Variants in TXLNB observed in about 807,000 individuals in gnomAD.
TXLNB encodes beta-taxilin.
A neutral mutation model predicts 57.4 loss-of-function variants in TXLNB; 37 were observed. The ratio of observed to expected loss-of-function variants is 0.64; its 90% CI spans 0.50 to 0.85. TXLNB has a LOEUF of 0.85. TXLNB is among the 40% of genes least tolerant of loss of function. The pLI, the probability that TXLNB is intolerant of heterozygous loss-of-function variation, is 0.00. For synonymous variants in TXLNB, 302 were observed against 309.6 expected (o/e 0.98, Z 0.26); for missense variants, 848 against 825.6 (o/e 1.03, Z -0.33).
the TXLNB span, among the ~76,000 whole-genome samples, chr6:139,175,312 A>G: frequency 6.6e-6 from 1 of 152,238 alleles, no homozygotes; most frequent in African/African-American, 2.4e-5. Flanking sequence ...TCTTTGCTCT[A>G]AAGTGTTCCA....
chr6:139,168,075 C>T, the TXLNB span, among the ~76,000 whole-genome samples: 3 of 152,184 alleles, frequency 2.0e-5, no homozygotes, highest in Admixed American at 1.3e-4. Context: ...CCACCTGTCT[C>T]CTTCCCACCA....
the TXLNB span, chr6:139,170,383 A>G: frequency 6.6e-6 from 1 of 152,180 alleles, no homozygotes; most frequent in Non-Finnish European, 1.5e-5. Flanking sequence ...ACCAGGCTTA[A>G]AGTTCTAGTA....
chr6:139,251,966 G>A (rs181784229), intron 7 of TXLNB, among the ~76,000 whole-genome samples: 4 of 152,326 alleles, frequency 2.6e-5, no homozygotes, highest in African/African-American at 4.8e-5. Flanking sequence ...GTAGTATTTT[G>A]CGTCCACATC....
chr6:139,256,747 A>G (rs1346339033), intron 6 of TXLNB, among the ~76,000 whole-genome samples: 2 of 152,260 alleles, frequency 1.3e-5, no homozygotes, highest in African/African-American at 4.8e-5. Context: ...GATTCCTGAC[A>G]CAGAGCTTCT....
chr6:139,206,233 T>C, the TXLNB span, among the ~76,000 whole-genome samples: 1 of 152,182 alleles, frequency 6.6e-6, no homozygotes, highest in South Asian at 2.1e-4. Context: ...TCTGAAAGCA[T>C]GAGTCTCACA....
At chr6:139,220,216 C>A in the TXLNB span, among the ~76,000 whole-genome samples, 1 of 152,200 alleles carries the variant, frequency 6.6e-6, no homozygotes, top group African/African-American at 2.4e-5. Context: ...GCAGATCTCC[C>A]ACACACTGAA....
At chr6:139,258,775 G>A (rs887513143) in intron 6 of TXLNB, among the ~76,000 whole-genome samples, 1 of 152,116 alleles carries the variant, frequency 6.6e-6, no homozygotes, top group Non-Finnish European at 1.5e-5. Context: ...TGAAACACAC[G>A]TCTGAGTGTG....
In TXLNB at chr6:139,262,597, C is replaced by T. The variant is rs557041862; in HGVS notation, c.864G>A (p.Gln288=). 10 of 1,613,890 alleles carry T rather than the reference C, an allele frequency of 6.2e-6. No individual in the cohort carries two copies. The East Asian group carries it at 2.0e-4, about 32-fold the overall frequency. Residue 288 remains glutamine (Q), a synonymous_variant, in exon 5 of 10, where the codon CAG becomes CAA. Coordinates refer to ENST00000358430, the MANE Select transcript of TXLNB (RefSeq NM_153235.4). Reference sequence around the variant, plus strand: ...TTCTCACCTCCTCTCTGAGCTCATACTGATCGATGATGCTTTTCAGCTTTT... The same window carrying T: ...TTCTCACCTCCTCTCTGAGCTCATATTGATCGATGATGCTTTTCAGCTTTT... The part of the protein sequence containing the change: ...LAEKLKSIID[Q]YELREEHLDK...
At chr6:139,201,490 T>G in the TXLNB span, among the ~76,000 whole-genome samples, 1 of 152,246 alleles carries the variant, frequency 6.6e-6, no homozygotes, top group Non-Finnish European at 1.5e-5. Flanking sequence ...ATGTTGTTTT[T>G]TTTTTGTTCC....
chr6:139,251,101 G>C (rs1223253750), intron 7 of TXLNB, among the ~76,000 whole-genome samples: 1 of 152,214 alleles, frequency 6.6e-6, no homozygotes, highest in African/African-American at 2.4e-5. Context: ...CTGAGAAGTA[G>C]TGTCTTGATT....
the TXLNB span, chr6:139,166,188 G>C: frequency 5.2e-6 from 5 of 963,208 alleles, 1 homozygote; most frequent in East Asian, 2.5e-5. Context: ...TTATATTCAT[G>C]TCTTAGAAAA....
chr6:139,184,698 A>C, the TXLNB span, among the ~76,000 whole-genome samples: 5 of 152,204 alleles, frequency 3.3e-5, no homozygotes, highest in Non-Finnish European at 7.3e-5. Context: ...GCATTGATCT[A>C]TCCAGTTTGG....
At position 139,240,933 on chromosome 6, in the gene TXLNB, T is replaced by G. The variant is rs1775919015; in HGVS notation, c.*1593A>C. Reference sequence around the variant, plus strand: ...CCATTTTTCTACTTGAGTTCAACTTTCAAGATAGGGTTGGGTTAGACATTG... The same window carrying G: ...CCATTTTTCTACTTGAGTTCAACTTGCAAGATAGGGTTGGGTTAGACATTG... On this transcript the variant is annotated 3_prime_UTR_variant, in exon 10 of 10. Transcript: ENST00000358430. 6.6e-6 allele frequency: 1 copy of G among 152,294 alleles called. No homozygotes were observed. The highest frequency in any genetic ancestry group is 6.5e-5 in the Admixed American group (1 of 15,280). The allele number at this position is 152,294 out of a possible 1,614,324, so 9.4% of individuals were successfully genotyped here. A position where few individuals can be genotyped will look rare whatever the true frequency, so the allele number is the denominator to read the frequency against.
intron 6 of TXLNB, among the ~76,000 whole-genome samples, chr6:139,257,708 T>C (rs556750862): frequency 1.3e-5 from 2 of 151,588 alleles, no homozygotes; most frequent in South Asian, 4.2e-4. Context: ...TTCCCACTTT[T>C]AGTTTATCCC....
chr6:139,276,365 G>T (rs770518635), intron 3 of TXLNB, among the ~76,000 whole-genome samples: 1 of 152,144 alleles, frequency 6.6e-6, no homozygotes, highest in Non-Finnish European at 1.5e-5. Context: ...ACTACTATTA[G>T]TATGAATTTT....
the TXLNB span, among the ~76,000 whole-genome samples, chr6:139,218,716 C>A: frequency 6.6e-6 from 1 of 152,012 alleles, no homozygotes; most frequent in Non-Finnish European, 1.5e-5. Flanking sequence ...TGCACCATTG[C>A]ACTTTAGCCT....
the TXLNB span, among the ~76,000 whole-genome samples, chr6:139,312,943 C>T: frequency 6.6e-6 from 1 of 152,190 alleles, no homozygotes; most frequent in Non-Finnish European, 1.5e-5. Flanking sequence ...TTGCCTCTCG[C>T]ACACTATTTG....
At chr6:139,171,954 A>G in the TXLNB span, among the ~76,000 whole-genome samples, 1 of 151,414 alleles carries the variant, frequency 6.6e-6, no homozygotes. Context: ...CCTCAGCCTC[A>G]TGAGTAGCTG....
chr6:139,210,227 G>T, the TXLNB span, among the ~76,000 whole-genome samples: 29 of 152,216 alleles, frequency 1.9e-4, no homozygotes, highest in South Asian at 5.8e-3. Context: ...TTGGAGGGGG[G>T]TGTGGTGAGA....
Sources: gnomAD v4.1 joint callset for allele counts (sites outside exome capture counted in the v4.1 genomes callset) on GRCh38, gnomAD v4.1.1 for gene constraint, MANE v1.5 for transcripts, NCBI Gene and HGNC (gene_info 2026-07-23, HGNC 2026-07-21) for gene names.